MAGI3: variants seen among roughly 807,000 people sequenced by gnomAD.
MAGI3 encodes membrane-associated guanylate kinase, WW and PDZ domain-containing protein 3.
In MAGI3, 43 loss-of-function variants were observed where a neutral mutation model predicts 121.8. The ratio of observed to expected loss-of-function variants is 0.35; its 90% CI spans 0.28 to 0.46. The LOEUF is 0.46. Ranked by LOEUF, MAGI3 falls within the 20% of genes least tolerant of loss-of-function variation. The pLI, the probability that MAGI3 is intolerant of heterozygous loss-of-function variation, is 1.00. For missense variants in MAGI3, 1,547 were observed against 1,797.3 expected (o/e 0.86, Z 2.52); for synonymous variants, 553 against 639.3 (o/e 0.86, Z 2.04).
At chr1:113,555,183 A>G (rs1209919573) in intron 2 of MAGI3, among the ~76,000 whole-genome samples, 1 of 152,166 alleles carries the variant, frequency 6.6e-6, no homozygotes, top group Non-Finnish European at 1.5e-5. Flanking sequence ...TGAAAGAGAA[A>G]TAAAGAATTT....
chr1:113,446,827 A>C (rs1051724378), intron 1 of MAGI3, among the ~76,000 whole-genome samples: 3 of 152,254 alleles, frequency 2.0e-5, no homozygotes, highest in South Asian at 4.1e-4. Flanking sequence ...GCAAGAGGAC[A>C]CAACAATTAA....
chr1:113,496,591 C>A (rs892954333), intron 1 of MAGI3, among the ~76,000 whole-genome samples: 1 of 152,096 alleles, frequency 6.6e-6, no homozygotes, highest in Non-Finnish European at 1.5e-5. Flanking sequence ...GTTTGTTTAT[C>A]TGTTTATTGA....
At chr1:113,425,133 T>A (rs955996502) in intron 1 of MAGI3, among the ~76,000 whole-genome samples, 34 of 152,068 alleles carry the variant, frequency 2.2e-4, no homozygotes, top group African/African-American at 8.2e-4. Flanking sequence ...CACTCCAGCC[T>A]GGGCAACAAG....
At chr1:113,495,536 A>C (rs965227534) in intron 1 of MAGI3, among the ~76,000 whole-genome samples, 1 of 152,084 alleles carries the variant, frequency 6.6e-6, no homozygotes, top group Non-Finnish European at 1.5e-5. Flanking sequence ...CCGAGTCCCC[A>C]AAGTCCATTG....
At chr1:113,623,494 A>AT (rs1650999029) in intron 9 of MAGI3, among the ~76,000 whole-genome samples, 1 of 35,172 alleles carries the variant, frequency 2.8e-5, no homozygotes, top group Non-Finnish European at 6.2e-5. Flanking sequence ...ACACATATAT[A>AT]TATTTTTTTT....
intron 1 of MAGI3, among the ~76,000 whole-genome samples, chr1:113,437,882 T>TCC (rs1376069049): frequency 7.9e-4 from 2 of 2,520 alleles, no homozygotes; most frequent in Non-Finnish European, 1.6e-3. Flanking sequence ...CTTCTTCTCC[T>TCC]TCTCCTTCTC....
intron 11 of MAGI3, among the ~76,000 whole-genome samples, chr1:113,644,082 T>C (rs945168300): frequency 3.3e-5 from 5 of 152,188 alleles, no homozygotes; most frequent in African/African-American, 1.2e-4. Context: ...CTTTTTACTT[T>C]TGTGTTTCAG....
At chr1:113,618,589 T>C in intron 7 of MAGI3, 1 of 429,290 alleles carries the variant, frequency 2.3e-6, no homozygotes, top group East Asian at 7.4e-5. Context: ...CACTGCAACC[T>C]CCGCCTCCTG....
At chr1:113,533,050 C>T (rs1413193000) in intron 1 of MAGI3, among the ~76,000 whole-genome samples, 1 of 152,082 alleles carries the variant, frequency 6.6e-6, no homozygotes, top group Non-Finnish European at 1.5e-5. Context: ...ACCTGTGTGC[C>T]TTGTTTTTTC....
intron 11 of MAGI3, among the ~76,000 whole-genome samples, chr1:113,646,200 G>A (rs1652823710): frequency 6.6e-6 from 1 of 152,022 alleles, no homozygotes. Context: ...AAGTCAATTT[G>A]TGTCTTGGTG....
rs1415624857 is a variant in MAGI3, at chr1:113,636,827, G to T, written c.1361-5084G>T. On this transcript the variant is annotated intron_variant, in intron 9 of 20. Transcript: ENST00000307546. ...TGATCTGTCTAATGTTGACAGTGGG[G>T]TGTTAAAGTCTCCCATTATTATTGT... 9.2e-5 allele frequency among the ~76,000 whole-genome samples: 14 copies of T among 152,058 alleles called. No homozygotes were observed. The South Asian group carries it at 2.1e-3, about 23-fold the overall frequency.
intron 1 of MAGI3, among the ~76,000 whole-genome samples, chr1:113,462,976 G>T (rs958137510): frequency 6.6e-6 from 1 of 152,030 alleles, no homozygotes; most frequent in African/African-American, 2.4e-5. Flanking sequence ...GACCCATATG[G>T]TAATTGCAAG....
intron 1 of MAGI3, among the ~76,000 whole-genome samples, chr1:113,514,171 T>C (rs1657765726): frequency 6.6e-6 from 1 of 152,226 alleles, no homozygotes; most frequent in Admixed American, 6.5e-5. Context: ...TTTTACACCA[T>C]TGGTGGGACT....
chr1:113,553,750 C>T (rs1659876026), intron 2 of MAGI3, among the ~76,000 whole-genome samples: 1 of 152,228 alleles, frequency 6.6e-6, no homozygotes, highest in Non-Finnish European at 1.5e-5. Context: ...GTGGCTCACG[C>T]CTGTAATCCC....
At chr1:113,647,269 G>C (rs529346640) in intron 12 of MAGI3, among the ~76,000 whole-genome samples, 1 of 152,220 alleles carries the variant, frequency 6.6e-6, no homozygotes, top group East Asian at 1.9e-4. Context: ...AGCAGGAACA[G>C]ATTGAGGAAG....
At chr1:113,543,291 T>G (rs973656350) in intron 1 of MAGI3, among the ~76,000 whole-genome samples, 1 of 152,146 alleles carries the variant, frequency 6.6e-6, no homozygotes, top group African/African-American at 2.4e-5. Flanking sequence ...TGTTAATAAA[T>G]AAAGAACAAA....
chr1:113,458,390 A>G (rs1004255378), intron 1 of MAGI3, among the ~76,000 whole-genome samples: 7 of 152,224 alleles, frequency 4.6e-5, no homozygotes, highest in African/African-American at 1.7e-4. Context: ...AAGTGAAGCT[A>G]TGAGTTGAGA....
At chr1:113,508,617 G>A (rs558400323) in intron 1 of MAGI3, among the ~76,000 whole-genome samples, 2 of 152,314 alleles carry the variant, frequency 1.3e-5, no homozygotes, top group Admixed American at 6.5e-5. Flanking sequence ...TGGGAAATGG[G>A]AGAGATGTGA....
rs1380840864 is a variant in MAGI3, at chr1:113,683,372, C to T, written c.3804C>T (p.Val1268=). ...PSKGENKSCQ[V]STRAGSGQDQ... Reference sequence around the variant, plus strand: ...AAGGGGAAAATAAAAGTTGTCAGGTCAGCACCAGGGCAGGCTCTGGACAAG... The same window carrying T: ...AAGGGGAAAATAAAAGTTGTCAGGTTAGCACCAGGGCAGGCTCTGGACAAG... The change falls in exon 21 of 21, where the codon GTC becomes GTT. Residue 1268 remains valine (V), a synonymous_variant. Coordinates refer to ENST00000307546, the MANE Select transcript of MAGI3 (RefSeq NM_001142782.2). The T allele has an allele frequency of 1.9e-6, 3 of 1,613,980 alleles. No homozygotes were observed. Among genetic ancestry groups the T allele is most frequent in the African/African-American group, 1.3e-5 (1 of 75,034 alleles).
Sources: allele counts gnomAD v4.1 joint callset (sites outside exome capture counted in the v4.1 genomes callset), GRCh38; gene constraint gnomAD v4.1.1; transcripts MANE v1.5; gene names NCBI Gene and HGNC (gene_info 2026-07-23, HGNC 2026-07-21).